ASTN2: variants seen among roughly 807,000 people sequenced by gnomAD.
The protein encoded by ASTN2 is astrotactin-2.
In ASTN2, 54 loss-of-function variants were observed where a neutral mutation model predicts 139.8. The ratio of observed to expected loss-of-function variants is 0.39; its 90% CI spans 0.31 to 0.48. The LOEUF (loss-of-function observed/expected upper bound fraction) is 0.48, where lower values mean the gene tolerates loss of function less well. Ranked by LOEUF, ASTN2 falls within the 20% of genes least tolerant of loss-of-function variation. The pLI, the probability that ASTN2 is intolerant of heterozygous loss-of-function variation, is 0.95. For synonymous variants in ASTN2, 756 were observed against 719.5 expected, an observed-to-expected ratio of 1.05 and a Z score of -0.81; for missense variants, 1,565 against 1,725.1, an observed-to-expected ratio of 0.91 and a Z score of 1.64.
At chr9:116,449,627 G>C (rs540748774) in intron 20 of ASTN2, among the ~76,000 whole-genome samples, 5 of 152,154 alleles carry the variant, frequency 3.3e-5, no homozygotes, top group African/African-American at 1.2e-4. Flanking sequence ...CTTGAATATG[G>C]GCAGGCTCAT....
intron 11 of ASTN2, among the ~76,000 whole-genome samples, chr9:116,856,335 G>A (rs562002357): frequency 6.6e-6 from 1 of 152,342 alleles, no homozygotes; most frequent in East Asian, 1.9e-4. Flanking sequence ...ATCCCATGGA[G>A]GCTCAGCCCA....
At chr9:116,803,522 ATTTTTTT>A (rs1158429877) in intron 13 of ASTN2, among the ~76,000 whole-genome samples, 464 of 20,850 alleles carry the variant, frequency 0.022, 2 homozygotes, top group East Asian at 0.044. Flanking sequence ...ATATATATAT[ATTTTTTT>A]TTTTTTTTTT....
chr9:116,887,457 A>T (rs1833642845), intron 10 of ASTN2, among the ~76,000 whole-genome samples: 1 of 151,630 alleles, frequency 6.6e-6, no homozygotes, highest in Non-Finnish European at 1.5e-5. Flanking sequence ...CTAGGAAAAA[A>T]ACGTGTTACA....
At chr9:117,224,257 C>G (rs1832627052) in intron 2 of ASTN2, among the ~76,000 whole-genome samples, 1 of 152,158 alleles carries the variant, frequency 6.6e-6, no homozygotes, top group Non-Finnish European at 1.5e-5. Flanking sequence ...TTCTTCAGTT[C>G]TCTCATCTGT....
intron 10 of ASTN2, among the ~76,000 whole-genome samples, chr9:116,897,300 C>A (rs2132398195): frequency 6.6e-6 from 1 of 152,312 alleles, no homozygotes; most frequent in East Asian, 1.9e-4. Context: ...CCTCTCTGGG[C>A]AATCAGGGTC....
chr9:116,599,666 G>A (rs969830608), intron 19 of ASTN2, among the ~76,000 whole-genome samples: 2 of 152,198 alleles, frequency 1.3e-5, no homozygotes, highest in African/African-American at 4.8e-5. Context: ...GCCTGGTGAG[G>A]AAGTCATAGT....
chr9:117,155,702 A>G (rs756221228), intron 3 of ASTN2, among the ~76,000 whole-genome samples: 10 of 152,014 alleles, frequency 6.6e-5, no homozygotes, highest in Non-Finnish European at 1.3e-4. Context: ...TCTGTCACCT[A>G]TGGATTTAAA....
At chr9:117,111,529 C>T (rs10817996) in intron 4 of ASTN2, among the ~76,000 whole-genome samples, 23,702 of 151,336 alleles carry the variant, frequency 0.16, 2,018 homozygotes, top group East Asian at 0.2. Flanking sequence ...ATCTGAGAAA[C>T]GAAGTAAGAA....
intron 2 of ASTN2, among the ~76,000 whole-genome samples, chr9:117,247,534 G>C (rs982846137): frequency 6.6e-6 from 1 of 152,162 alleles, no homozygotes; most frequent in Non-Finnish European, 1.5e-5. Flanking sequence ...CTTGAGTATG[G>C]GATGATTTGT....
intron 3 of ASTN2, among the ~76,000 whole-genome samples, chr9:117,148,819 C>T (rs1830261599): frequency 6.6e-6 from 1 of 152,108 alleles, no homozygotes. Context: ...GCATGAGCCT[C>T]ATCCACTCAA....
chr9:117,356,207 T>C (rs936631482), intron 1 of ASTN2, among the ~76,000 whole-genome samples: 1 of 152,194 alleles, frequency 6.6e-6, no homozygotes, highest in African/African-American at 2.4e-5. Context: ...TTAACAACTT[T>C]CTTGTAATTA....
chr9:116,711,718 T>C lies in ASTN2; in HGVS notation c.2806+14053A>G, dbSNP rs575487649. Among the ~76,000 whole-genome samples, 10 of 152,308 alleles carry C rather than the reference T, an allele frequency of 6.6e-5. 1 individual carries two copies. In the East Asian group the frequency reaches 1.9e-3, roughly 29 times the overall value. ...TCAGAAAGCTTGGCACCATGTCTAA[T>C]CATTTTCCTCACCTTTCACCTTCTA... On this transcript the variant is annotated intron_variant, in intron 16 of 22. Coordinates refer to ENST00000313400, the MANE Select transcript of ASTN2 (RefSeq NM_001365068.1).
chr9:116,629,413 G>A (rs956243863), intron 17 of ASTN2, among the ~76,000 whole-genome samples: 20 of 152,016 alleles, frequency 1.3e-4, no homozygotes, highest in Non-Finnish European at 2.5e-4. Context: ...CACCGCGCCC[G>A]GCCTGTTTCC....
intron 19 of ASTN2, among the ~76,000 whole-genome samples, chr9:116,502,722 GGAAGGAAGGAATGAAT>G (rs1421370056): frequency 0.38 from 25,707 of 67,728 alleles, 4,313 homozygotes; most frequent in Non-Finnish European, 0.43. Context: ...AAGGAAGGAA[GGAAGGAAGGAATGAAT>G]GAATGAATGA....
chr9:117,384,468 C>T (rs989461039), intron 1 of ASTN2, among the ~76,000 whole-genome samples: 2 of 152,164 alleles, frequency 1.3e-5, no homozygotes, highest in African/African-American at 2.4e-5. Context: ...AGATGTGATA[C>T]GAGTCCCTTC....
At chr9:117,231,540 T>A (rs1588114028) in intron 2 of ASTN2, among the ~76,000 whole-genome samples, 1 of 152,232 alleles carries the variant, frequency 6.6e-6, no homozygotes, top group African/African-American at 2.4e-5. Context: ...ATCGATACAT[T>A]GGTTTGAATT....
intron 16 of ASTN2, among the ~76,000 whole-genome samples, chr9:116,718,219 G>GA (rs979942129): frequency 2.2e-4 from 33 of 151,514 alleles, no homozygotes; most frequent in South Asian, 4.2e-4. Flanking sequence ...GCAAAAATGG[G>GA]AAAAAAAAAT....
rs1856425243 is a variant in ASTN2, at chr9:116,625,841, G to GACCCTGCC, written c.3073-5406_3073-5399dup. 2.0e-5 allele frequency among the ~76,000 whole-genome samples: 3 copies of GACCCTGCC among 152,152 alleles called. No homozygotes were observed. The South Asian group carries it at 6.2e-4, about 32-fold the overall frequency. Reference sequence around the variant, plus strand: ...TACTGAACTCTAGGAAGGAGGTGTGGACCCTGCCACACCTTGAGAGATTTT... The same window carrying GACCCTGCC: ...TACTGAACTCTAGGAAGGAGGTGTGGACCCTGCCACCCTGCCACACCTTGAGAGATTTT... On this transcript the variant is annotated intron_variant, in intron 17 of 22. Transcript: ENST00000313400.
At chr9:117,218,265 C>A (rs907496882) in intron 2 of ASTN2, among the ~76,000 whole-genome samples, 3 of 152,192 alleles carry the variant, frequency 2.0e-5, no homozygotes, top group African/African-American at 7.2e-5. Flanking sequence ...CTTGACCTTG[C>A]CATTTGATAT....
Sources: gnomAD v4.1 joint callset for allele counts (sites outside exome capture counted in the v4.1 genomes callset) on GRCh38, gnomAD v4.1.1 for gene constraint, MANE v1.5 for transcripts, NCBI Gene and HGNC (gene_info 2026-07-23, HGNC 2026-07-21) for gene names.